Variants in ANKRD6 observed in about 807,000 individuals in gnomAD.
The protein encoded by ANKRD6 is ankyrin repeat domain 6, also known as ankyrin repeat domain-containing protein 6.
ANKRD6 carries 56 observed loss-of-function variants against 82.3 expected under a neutral mutation model. The ratio of observed to expected loss-of-function variants is 0.68; its 90% CI spans 0.55 to 0.85. The LOEUF (loss-of-function observed/expected upper bound fraction) is 0.85. Among genes scored for constraint, ANKRD6 ranks in the 40% least tolerant of loss-of-function variants. The probability of loss-of-function intolerance (pLI) is 0.00; values close to 1 mark genes in which losing one functional copy is unlikely to be tolerated. For missense variants in ANKRD6, 852 were observed against 907.6 expected, an observed-to-expected ratio of 0.94 and a Z score of 0.79; for synonymous variants, 347 against 352.1, an observed-to-expected ratio of 0.99 and a Z score of 0.16.
intron 1 of ANKRD6, among the ~76,000 whole-genome samples, chr6:89,442,625 A>G (rs916288057): frequency 7.2e-6 from 1 of 138,424 alleles, no homozygotes; most frequent in Admixed American, 7.5e-5. Flanking sequence ...CAACAGAGCA[A>G]AACCCTGTCT....
intron 1 of ANKRD6, among the ~76,000 whole-genome samples, chr6:89,517,807 G>A (rs149469180): frequency 6.6e-6 from 1 of 152,180 alleles, no homozygotes; most frequent in African/African-American, 2.4e-5. Flanking sequence ...TTTTCCTAAG[G>A]GGGGGACTAT....
At chr6:89,480,189 G>A (rs913403765) in intron 1 of ANKRD6, among the ~76,000 whole-genome samples, 1 of 152,192 alleles carries the variant, frequency 6.6e-6, no homozygotes, top group African/African-American at 2.4e-5. Context: ...TGTCTGAAAG[G>A]TAACTATCCC....
At chr6:89,448,854 C>T (rs1459922751) in intron 1 of ANKRD6, among the ~76,000 whole-genome samples, 1 of 151,818 alleles carries the variant, frequency 6.6e-6, no homozygotes, top group Middle Eastern at 3.4e-3. Flanking sequence ...CACGGTGAAA[C>T]CCCGTTTCTA....
intron 1 of ANKRD6, among the ~76,000 whole-genome samples, chr6:89,513,795 GAC>G (rs751132722): frequency 5.3e-5 from 8 of 152,158 alleles, no homozygotes; most frequent in Non-Finnish European, 1.2e-4. Context: ...GCTTCACAGA[GAC>G]ACACAAAGAG....
intron 2 of ANKRD6, among the ~76,000 whole-genome samples, chr6:89,594,897 T>C (rs1276046638): frequency 6.6e-6 from 1 of 152,082 alleles, no homozygotes; most frequent in Non-Finnish European, 1.5e-5. Flanking sequence ...CACATGCCAC[T>C]GTGCCCAGCT....
intron 15 of ANKRD6, 141 bp from the exon 16 acceptor site, chr6:89,630,290 CAG>C: frequency 1.0e-6 from 1 of 968,268 alleles, no homozygotes; most frequent in South Asian, 1.8e-5. Context: ...AGAAAAGGCT[CAG>C]AGGAGACGTT....
intron 1 of ANKRD6, among the ~76,000 whole-genome samples, chr6:89,527,293 C>T (rs951520076): frequency 6.6e-6 from 1 of 151,886 alleles, no homozygotes; most frequent in Non-Finnish European, 1.5e-5. Context: ...GTGTATATAC[C>T]ATAATTTAAA....
rs1434563642 is a variant in ANKRD6 at position 89,632,110 on chromosome 6, G to A, written c.*1106G>A. 1.3e-5 allele frequency: 2 copies of A among 152,164 alleles called. No homozygotes were observed. The highest frequency in any genetic ancestry group is 2.9e-5 in the Non-Finnish European group (2 of 68,036). 9.4% of individuals were successfully genotyped at this position (152,164 alleles called of 1,614,324 possible). A position where few individuals can be genotyped will look rare whatever the true frequency, so the allele number is the denominator to read the frequency against. ...ACAAGCTTCTTGTCCTTTGGAATAT[G>A]GGATTTATATTCATCTCCTCAATAT... On this transcript the variant is annotated 3_prime_UTR_variant, in exon 16 of 16. Transcript: ENST00000339746.
At chr6:89,478,158 A>C (rs1438235682) in intron 1 of ANKRD6, 1 of 151,950 alleles carries the variant, frequency 6.6e-6, no homozygotes, top group Non-Finnish European at 1.5e-5. Context: ...ACGGTGGTTC[A>C]TGCCTGTAGT....
In ANKRD6 at chr6:89,433,601, G is replaced by T. The variant is rs1426020597; in HGVS notation, c.-144+226G>T. On this transcript the variant is annotated intron_variant, in intron 1 of 15. Coordinates refer to ENST00000339746, the MANE Select transcript of ANKRD6 (RefSeq NM_001242809.2). This position sits in a 1 kb window ranked among gnomAD's most constrained non-coding sequence, Gnocchi z 4.3. ...CCCCGGGGCGCCTCCCTCTTCGCCTGGCATCAGTTGCCTCCCTGGAATATG... is the reference window on the plus strand; with the variant it reads ...CCCCGGGGCGCCTCCCTCTTCGCCTTGCATCAGTTGCCTCCCTGGAATATG... 6.6e-6 allele frequency among the ~76,000 whole-genome samples: 1 copy of T among 152,186 alleles called. No homozygotes were observed. The highest frequency in any genetic ancestry group is 6.5e-5 in the Admixed American group (1 of 15,286).
At chr6:89,548,127 C>T (rs1562783384) in intron 1 of ANKRD6, among the ~76,000 whole-genome samples, 3 of 152,196 alleles carry the variant, frequency 2.0e-5, no homozygotes, top group South Asian at 2.1e-4. Flanking sequence ...AGATGTCAGT[C>T]ATCGCCACTA....
In ANKRD6 at chr6:89,567,086, C is replaced by T. The variant is rs763664563; in HGVS notation, c.110C>T (p.Ala37Val). 1.7e-5 allele frequency: 27 copies of T among 1,598,038 alleles called. No homozygotes were observed. The highest frequency in any genetic ancestry group is 2.7e-5 in the African/African-American group (2 of 74,694). The change falls in exon 2 of 16, where the codon GCG becomes GTG. Residue 37 changes from alanine to valine, a missense_variant. Coordinates refer to ENST00000339746, the MANE Select transcript of ANKRD6 (RefSeq NM_001242809.2). ...CTCATCAACAAGGGCGCCAGGGTAG[C>T]GGTTACCAAGGTAACAAGAGAAAAA... ...VQLINKGARV[A>V]VTKHGRTPLH...
At position 89,433,538 on chromosome 6, in the gene ANKRD6, G is replaced by T. The variant is rs1198269861; in HGVS notation, c.-144+163G>T. On this transcript the variant is annotated intron_variant, in intron 1 of 15. Coordinates refer to ENST00000339746, the MANE Select transcript of ANKRD6 (RefSeq NM_001242809.2). The surrounding 1 kb of genome is among the most constrained non-coding windows in gnomAD (Gnocchi z 4.3). ...CCCGGACACCGCGCCTCGCCCCCTG[G>T]CCTGCGGCCTCCGAAAACGCCCGGC... Among the ~76,000 whole-genome samples, 1 of 152,210 alleles carries T rather than the reference G, an allele frequency of 6.6e-6. No homozygotes were observed. Among genetic ancestry groups the T allele is most frequent in the East Asian group, 1.9e-4 (1 of 5,186 alleles).
intron 1 of ANKRD6, among the ~76,000 whole-genome samples, chr6:89,532,699 A>ATTTTTTTTTC (rs1783320700): frequency 6.6e-6 from 1 of 150,602 alleles, no homozygotes; most frequent in Non-Finnish European, 1.5e-5. Flanking sequence ...TAGTAAATTG[A>ATTTTTTTTTC]TTTTTTTTTC....
At chr6:89,624,176 T>C in intron 12 of ANKRD6, 119 bp downstream of exon 12, 1 of 1,226,662 alleles carries the variant, frequency 8.2e-7, no homozygotes, top group South Asian at 1.6e-5. Context: ...GCACAAGCTT[T>C]GAAGGTAAGC....
intron 2 of ANKRD6, among the ~76,000 whole-genome samples, chr6:89,580,747 C>T (rs1197911608): frequency 1.3e-5 from 2 of 152,126 alleles, no homozygotes; most frequent in African/African-American, 2.4e-5. Context: ...TTTTGATTTC[C>T]TGGGTTTGTG....
intron 1 of ANKRD6, among the ~76,000 whole-genome samples, chr6:89,556,897 G>T (rs1024224742): frequency 2.0e-5 from 3 of 152,156 alleles, no homozygotes; most frequent in African/African-American, 7.2e-5. Flanking sequence ...AAAGTAAGTG[G>T]CAGAGCTGGG....
intron 1 of ANKRD6, among the ~76,000 whole-genome samples, chr6:89,519,407 A>G (rs1279052868): frequency 2.6e-5 from 4 of 152,216 alleles, no homozygotes; most frequent in Admixed American, 1.3e-4. Flanking sequence ...AGCAAAACCA[A>G]CACAATGCAG....
chr6:89,611,258 G>T (rs1398155681), intron 5 of ANKRD6, among the ~76,000 whole-genome samples: 1 of 151,908 alleles, frequency 6.6e-6, no homozygotes, highest in Non-Finnish European at 1.5e-5. Flanking sequence ...GTGAGATCCA[G>T]AAGGGTGTGA....
Sources: gnomAD v4.1 joint callset for allele counts (sites outside exome capture counted in the v4.1 genomes callset) on GRCh38, gnomAD v4.1.1 for gene constraint, Gnocchi (gnomAD v3.1) non-coding constraint, MANE v1.5 for transcripts, NCBI Gene and HGNC (gene_info 2026-07-23, HGNC 2026-07-21) for gene names.